Variants in IDH3A observed in about 807,000 individuals in gnomAD.
The protein encoded by IDH3A is isocitrate dehydrogenase [NAD] subunit alpha, mitochondrial.
A neutral mutation model predicts 43.3 loss-of-function variants in IDH3A; 23 were observed. The ratio of observed to expected loss-of-function variants is 0.53; its 90% CI spans 0.38 to 0.75. IDH3A has a LOEUF of 0.75. IDH3A is among the 30% of genes least tolerant of loss of function. IDH3A has a pLI of 0.00. For synonymous variants in IDH3A, 154 were observed against 163.5 expected, an observed-to-expected ratio of 0.94 and a Z score of 0.44; for missense variants, 329 against 474.4, an observed-to-expected ratio of 0.69 and a Z score of 2.85.
In IDH3A at chr15:78,161,946, G is replaced by C. The variant is rs1445484210; in HGVS notation, c.477+178G>C. 6.6e-6 allele frequency among the ~76,000 whole-genome samples: 1 copy of C among 152,034 alleles called. No individual in the cohort carries two copies. The highest frequency in any genetic ancestry group is 2.4e-5 in the African/African-American group (1 of 41,380). On this transcript the variant is annotated intron_variant, in intron 5 of 10. Transcript: ENST00000299518. This position sits in a 1 kb window ranked among gnomAD's most constrained non-coding sequence, Gnocchi z 4.8. ...GCATGGTGGTTCGCGTCACAAGCTT[G>C]GGAATATGCCCTCTGAATTTTGAAT...
intron 5 of IDH3A, 28 bp from the exon 6 acceptor site, chr15:78,162,206 C>T (rs200257761): frequency 6.2e-7 from 1 of 1,613,620 alleles, no homozygotes; most frequent in African/African-American, 1.3e-5. Context: ...ACACTCTTTC[C>T]AGCAAGGTGG....
chr15:78,169,052 C>G lies in IDH3A; in HGVS notation c.*47C>G. On this transcript the variant is annotated 3_prime_UTR_variant, in exon 11 of 11. Transcript: ENST00000299518. ...CATCAGTCACTCTAAATGGACACCA[C>G]ATGAACCTCTGTTTAGAATACCTAC... 8.5e-7 allele frequency: 1 copy of G among 1,180,436 alleles called. No homozygotes were observed. The highest frequency in any genetic ancestry group is 1.3e-6 in the Non-Finnish European group (1 of 795,566). The allele number at this position is 1,180,436 out of a possible 1,614,324, so 73.1% of individuals were successfully genotyped here. A position where few individuals can be genotyped will look rare whatever the true frequency, so the allele number is the denominator to read the frequency against.
rs771318869 is a variant in IDH3A, at chr15:78,163,787, C to T, written c.779+7C>T. On this transcript the variant is annotated splice_region_variant and intron_variant, in intron 8 of 10. Transcript: ENST00000299518. ...TGTATGGAGACATCCTTAGGTGAGTCTGGCTGCAACCTATTTATTTTAGCC... is the reference window on the plus strand; with the variant it reads ...TGTATGGAGACATCCTTAGGTGAGTTTGGCTGCAACCTATTTATTTTAGCC... 4 of 1,583,278 alleles carry T rather than the reference C, an allele frequency of 2.5e-6. No individual in the cohort carries two copies. Among genetic ancestry groups the T allele is most frequent in the Non-Finnish European group, 3.5e-6 (4 of 1,152,166 alleles).
intron 4 of IDH3A, among the ~76,000 whole-genome samples, chr15:78,160,762 G>A (rs1357763035): frequency 2.6e-5 from 4 of 152,176 alleles, no homozygotes; most frequent in Non-Finnish European, 5.9e-5. Context: ...CCAAAGTGCT[G>A]GGATTACAGG....
rs1346554512 is a variant in IDH3A, at chr15:78,161,393, GAAGAT to G, written c.290-183_290-179del. Reference sequence around the variant, plus strand: ...CAATGCTTGATCCTCAGGAAGTTCTGAAGATAAGAAACGCAGTTAATGTTCCAGAA... The same window carrying G: ...CAATGCTTGATCCTCAGGAAGTTCTGAAGAAACGCAGTTAATGTTCCAGAA... On this transcript the variant is annotated intron_variant, in intron 4 of 10. Transcript: ENST00000299518. This position sits in a 1 kb window ranked among gnomAD's most constrained non-coding sequence, Gnocchi z 4.8. 6.6e-6 allele frequency among the ~76,000 whole-genome samples: 1 copy of G among 152,188 alleles called. No homozygotes were observed. Among genetic ancestry groups the G allele is most frequent in the African/African-American group, 2.4e-5 (1 of 41,436 alleles).
At chr15:78,164,150 TAAG>T (rs987902965) in intron 8 of IDH3A, among the ~76,000 whole-genome samples, 1 of 152,154 alleles carries the variant, frequency 6.6e-6, no homozygotes, top group Admixed American at 6.5e-5. Context: ...AGAAAAGTTG[TAAG>T]AATAGTACAA....
chr15:78,164,937 T>C, intron 8 of IDH3A, 55 bp from the exon 9 acceptor site: 1 of 1,336,058 alleles, frequency 7.5e-7, no homozygotes, highest in Non-Finnish European at 1.1e-6. Context: ...ATCTGGGTGC[T>C]AGGTGAGATG....
chr15:78,158,463 A>ATAT lies in IDH3A; in HGVS notation c.174+833_174+834insATT, dbSNP rs1212083496. Among the ~76,000 whole-genome samples, 7 of 67,380 alleles carry ATAT rather than the reference A, an allele frequency of 1.0e-4. 1 individual carries two copies. Among genetic ancestry groups the ATAT allele is most frequent in the African/African-American group, 2.2e-4 (4 of 18,350 alleles). 44.2% of individuals were successfully genotyped at this position (67,380 alleles called of 152,430 possible). A position where few individuals can be genotyped will look rare whatever the true frequency, so the allele number is the denominator to read the frequency against. ...TACATACATACATATATATATATAT[A>ATAT]TTTTTTTTTTTTTTTTTTTTTTTTT... On this transcript the variant is annotated intron_variant, in intron 3 of 10. Transcript: ENST00000299518.
At chr15:78,164,048 G>T (rs1413068895) in intron 8 of IDH3A, among the ~76,000 whole-genome samples, 2 of 152,072 alleles carry the variant, frequency 1.3e-5, no homozygotes, top group Non-Finnish European at 2.9e-5. Context: ...TTGATTGATT[G>T]ATTGATTTTA....
intron 1 of IDH3A, among the ~76,000 whole-genome samples, chr15:78,153,803 G>T (rs565016009): frequency 1.3e-5 from 2 of 152,288 alleles, no homozygotes; most frequent in East Asian, 3.9e-4. Context: ...TGGATCACCT[G>T]AGGTCAGGAG....
At position 78,169,260 on chromosome 15, in the gene IDH3A, G is replaced by A. The variant is rs1250555589; in HGVS notation, c.*255G>A. ...TAAATGTTTTTTTTGTAAACTCTGA[G>A]TGGACTGTATCATTTGCTATTCTAA... On this transcript the variant is annotated 3_prime_UTR_variant, in exon 11 of 11. Transcript: ENST00000299518. 1 of 301,372 alleles carries A rather than the reference G, an allele frequency of 3.3e-6. No homozygotes were observed. Among genetic ancestry groups the A allele is most frequent in the African/African-American group, 2.2e-5 (1 of 46,412 alleles). 18.7% of individuals were successfully genotyped at this position (301,372 alleles called of 1,614,324 possible).
chr15:78,150,336 A>G (rs2074563745), intron 1 of IDH3A, among the ~76,000 whole-genome samples: 1 of 152,236 alleles, frequency 6.6e-6, no homozygotes, highest in African/African-American at 2.4e-5. Flanking sequence ...CCAAGGTCAC[A>G]TAGCAAATGA....
In IDH3A at chr15:78,160,438, T is replaced by G. The variant is rs193211518; in HGVS notation, c.289+232T>G. Among the ~76,000 whole-genome samples, 196 of 152,326 alleles carry G rather than the reference T, an allele frequency of 1.3e-3. 2 individuals carry two copies. The highest frequency in any genetic ancestry group is 3.5e-3 in the African/African-American group (145 of 41,574). On this transcript the variant is annotated intron_variant, in intron 4 of 10. Transcript: ENST00000299518. ...TGATGCCAAATAACAGTATCTCTAT[T>G]TAATCTTCAACTATATATATCTTTT... is the stretch of plus-strand genomic sequence containing the variant.
At chr15:78,152,044 T>C (rs1596374076) in intron 1 of IDH3A, among the ~76,000 whole-genome samples, 1 of 142,282 alleles carries the variant, frequency 7.0e-6, no homozygotes, top group Admixed American at 7.9e-5. Flanking sequence ...AAAGGACTCA[T>C]GTCAATTTTT....
At chr15:78,151,597 A>G (rs1422380298) in intron 1 of IDH3A, 1 of 151,570 alleles carries the variant, frequency 6.6e-6, no homozygotes, top group African/African-American at 2.4e-5. Context: ...TTTAAAACCC[A>G]TCTCAGAACC....
In IDH3A at chr15:78,170,357, G is replaced by A. The variant is rs1423916733; in HGVS notation, c.*1352G>A. ...TTGCAAAATGTACCCAGGTCACAAG[G>A]GGATTTTTTTTTTTTTAGCAATGAT... is the stretch of plus-strand genomic sequence containing the variant. On this transcript the variant is annotated 3_prime_UTR_variant, in exon 11 of 11. Transcript: ENST00000299518. 6.6e-6 allele frequency: 1 copy of A among 151,982 alleles called. No homozygotes were observed. Among genetic ancestry groups the A allele is most frequent in the Non-Finnish European group, 1.5e-5 (1 of 67,990 alleles). The allele number at this position is 151,982 out of a possible 1,614,324, so 9.4% of individuals were successfully genotyped here. A position where few individuals can be genotyped will look rare whatever the true frequency, so the allele number is the denominator to read the frequency against.
chr15:78,159,043 G>C (rs182561309), intron 3 of IDH3A, among the ~76,000 whole-genome samples: 3 of 152,128 alleles, frequency 2.0e-5, no homozygotes, highest in Admixed American at 2.0e-4. Context: ...ATGTTGGCTA[G>C]GCTGGGCTGG....
chr15:78,161,470 G>T lies in IDH3A; in HGVS notation c.290-111G>T. The T allele has an allele frequency of 1.3e-6, 1 of 757,846 alleles. No individual in the cohort carries two copies. The highest frequency in any genetic ancestry group is 2.2e-6 in the Non-Finnish European group (1 of 455,472). The allele number at this position is 757,846 out of a possible 1,614,324, so 46.9% of individuals were successfully genotyped here. On this transcript the variant is annotated intron_variant, in intron 4 of 10. Coordinates refer to ENST00000299518, the MANE Select transcript of IDH3A (RefSeq NM_005530.3). The surrounding 1 kb of genome is among the most constrained non-coding windows in gnomAD (Gnocchi z 4.8). ...CTCCTTCATTTGAATCTCAGGTAGA[G>T]AGTGAACTAGAGGCAGAACACATTT...
chr15:78,166,562 G>A (rs182858417), intron 10 of IDH3A: 25 of 417,082 alleles, frequency 6.0e-5, no homozygotes, highest in Middle Eastern at 6.9e-4. Context: ...CAGTGGAAAG[G>A]TCAGTGGTTT....
Sources: allele counts gnomAD v4.1 joint callset (sites outside exome capture counted in the v4.1 genomes callset), GRCh38; gene constraint gnomAD v4.1.1; non-coding constraint Gnocchi (gnomAD v3.1); transcripts MANE v1.5; gene names NCBI Gene and HGNC (gene_info 2026-07-23, HGNC 2026-07-21).